PLEKHF1: variants seen among roughly 807,000 people sequenced by gnomAD.
PLEKHF1 encodes the protein pleckstrin homology domain-containing family F member 1.
In PLEKHF1, 1 loss-of-function variant was observed where a neutral mutation model predicts 4.1. That is an observed-to-expected ratio of 0.24 (90% CI 0.09 to 1.15). The LOEUF (loss-of-function observed/expected upper bound fraction) is 1.15. PLEKHF1 is among the 50% of genes most tolerant of loss of function. The pLI, the probability that PLEKHF1 is intolerant of heterozygous loss-of-function variation, is 0.52. For missense variants in PLEKHF1, 429 were observed against 400.6 expected (o/e 1.07, Z -0.60); for synonymous variants, 182 against 178.5 (o/e 1.02, Z -0.16).
Position 29,671,225 on chromosome 19 carries a change from G to A in PLEKHF1, c.-16-2599G>A, listed in dbSNP as rs541471321. Among the ~76,000 whole-genome samples, 37 of 151,754 alleles carry A rather than the reference G, an allele frequency of 2.4e-4. No homozygotes were observed. The highest frequency in any genetic ancestry group is 6.3e-4 in the African/African-American group (26 of 41,368). ...AGCGATTCTCCTGCCTCCGCCTCCC[G>A]AGTAGCTGGAATTACAGGTGTGAGG... On this transcript the variant is annotated intron_variant, in intron 1 of 1. Coordinates refer to ENST00000436066, the MANE Select transcript of PLEKHF1 (RefSeq NM_024310.5). This position sits in a 1 kb window ranked among gnomAD's most constrained non-coding sequence, Gnocchi z 4.0.
intron 1 of PLEKHF1, among the ~76,000 whole-genome samples, chr19:29,670,942 G>A (rs967116655): frequency 6.6e-6 from 1 of 152,154 alleles, no homozygotes; most frequent in Non-Finnish European, 1.5e-5. Flanking sequence ...CCAAAGTGCT[G>A]GGATTACAGG....
rs1000482462 is a variant in PLEKHF1 at position 29,673,949 on chromosome 19, T to G, written c.110T>G (p.Leu37Arg). The G allele has an allele frequency of 2.5e-6, 4 of 1,613,660 alleles. No homozygotes were observed. The highest frequency in any genetic ancestry group is 3.4e-6 in the Non-Finnish European group (4 of 1,179,932). ...QPLALPGRVLLGEGVLTKECR... is the reference protein window; with the variant it reads ...QPLALPGRVLRGEGVLTKECR... ...CTGGCGCTGCCAGGCCGAGTGCTGC[T>G]GGGCGAGGGCGTGCTGACCAAAGAG... The change falls in exon 2 of 2, where the codon CTG (leucine) becomes CGG (arginine). Residue 37 changes from leucine (L) to arginine (R), a missense_variant. Physicochemically the swap from Leu to Arg is moderately radical, Grantham distance 102. Transcript: ENST00000436066.
rs1330464039 is a variant in PLEKHF1 at position 29,674,616 on chromosome 19, C to T, written c.777C>T (p.Gly259=). The T allele has an allele frequency of 2.5e-6, 4 of 1,609,008 alleles. No individual in the cohort carries two copies. Among genetic ancestry groups the T allele is most frequent in the East Asian group, 2.2e-5 (1 of 44,672 alleles). The change falls in exon 2 of 2, where the codon GGC becomes GGT. Residue 259 remains glycine (G), a synonymous_variant. Transcript: ENST00000436066. ...AGGACAAGGAGGGCAGCAGGGACGG[C>T]GACTGGCCCAGCAGCGTGGAGTTCT... The part of the protein sequence containing the change: ...SDEDKEGSRD[G]DWPSSVEFYA...
chr19:29,674,348 C>G lies in PLEKHF1; in HGVS notation c.509C>G (p.Thr170Arg). The change falls in exon 2 of 2, where the codon ACG (threonine) becomes AGG (arginine). Residue 170 changes from threonine (T) to arginine (R), a missense_variant. Thr to Arg is a moderately conservative substitution (Grantham distance 71). Transcript: ENST00000436066. ...ACGCAGACGCGCTTCTCTGCCCTCA[C>G]GAGGCGCCACCACTGCCGCAAGTGC... is the stretch of plus-strand genomic sequence containing the variant. Reference protein sequence around the residue: ...RCTQTRFSALTRRHHCRKCGF... With the variant: ...RCTQTRFSALRRRHHCRKCGF... 1 of 1,551,324 alleles carries G rather than the reference C, an allele frequency of 6.4e-7. No homozygotes were observed. Among genetic ancestry groups the G allele is most frequent in the Non-Finnish European group, 8.7e-7 (1 of 1,154,606 alleles).
At position 29,674,752 on chromosome 19, in the gene PLEKHF1, C is replaced by T. The variant is rs1971685406; in HGVS notation, c.*73C>T. Reference sequence around the variant, plus strand: ...GCCCCCAAGAGGGCAGCTCCAGAAGCTGCCCAGGGCTCCGGGACCCCATCC... The same window carrying T: ...GCCCCCAAGAGGGCAGCTCCAGAAGTTGCCCAGGGCTCCGGGACCCCATCC... On this transcript the variant is annotated 3_prime_UTR_variant, in exon 2 of 2. Coordinates refer to ENST00000436066, the MANE Select transcript of PLEKHF1 (RefSeq NM_024310.5). 2.7e-6 allele frequency: 4 copies of T among 1,493,102 alleles called. No individual in the cohort carries two copies. Among genetic ancestry groups the T allele is most frequent in the Non-Finnish European group, 3.6e-6 (4 of 1,122,804 alleles). The allele number at this position is 1,493,102 out of a possible 1,614,324, so 92.5% of individuals were successfully genotyped here.
chr19:29,665,943 T>G, intron 1 of PLEKHF1: 1 of 453,134 alleles, frequency 2.2e-6, no homozygotes, highest in Non-Finnish European at 2.9e-6. Context: ...GGGACCACTG[T>G]CCCCCTGGGC....
rs1971671550 is a variant in PLEKHF1 at position 29,674,274 on chromosome 19, C to T, written c.435C>T (p.His145=). 1.2e-6 allele frequency: 2 copies of T among 1,601,266 alleles called. No individual in the cohort carries two copies. Among genetic ancestry groups the T allele is most frequent in the Admixed American group, 1.7e-5 (1 of 59,476 alleles). The change falls in exon 2 of 2, where the codon CAC becomes CAT. Residue 145 remains histidine (H), a synonymous_variant. Transcript: ENST00000436066. ...CGGGCCGCCCGCCCAGCACGGAGCA[C>T]GCGGCACCCTGGATCCCCGACAAGG... ...RATGRPPSTE[H]AAPWIPDKAT... is the part of the protein sequence containing the mutation.
At chr19:29,672,940 G>GTTAGTGC (rs2145589638) in intron 1 of PLEKHF1, among the ~76,000 whole-genome samples, 1 of 152,238 alleles carries the variant, frequency 6.6e-6, no homozygotes, top group Non-Finnish European at 1.5e-5. Flanking sequence ...TGAGCTCTGA[G>GTTAGTGC]TTAGTGCTTA....
At chr19:29,668,804 A>G (rs1187869367) in intron 1 of PLEKHF1, among the ~76,000 whole-genome samples, 1 of 152,172 alleles carries the variant, frequency 6.6e-6, no homozygotes, top group Non-Finnish European at 1.5e-5. Context: ...ACCTACAGGC[A>G]AGGTCAAACC....
At chr19:29,672,074 A>G (rs766219192) in intron 1 of PLEKHF1, among the ~76,000 whole-genome samples, 3 of 152,074 alleles carry the variant, frequency 2.0e-5, no homozygotes, top group Non-Finnish European at 2.9e-5. Context: ...TCCTGTTCTC[A>G]TGGAGCTAAG....
rs61755459 is a variant in PLEKHF1 at position 29,674,234 on chromosome 19, G to T, written c.395G>T (p.Arg132Leu). Residue 132 changes from arginine (R) to leucine (L), a missense_variant, in exon 2 of 2, where the codon CGG becomes CTG. By Grantham distance (102) the Arg-to-Leu change is moderately radical. Transcript: ENST00000436066. ...AGCCACATCGAGGAGTGCGTGCGGC[G>T]GCAACTGAGGGCCACGGGCCGCCCG... Reference protein sequence around the residue: ...WISHIEECVRRQLRATGRPPS... With the variant: ...WISHIEECVRLQLRATGRPPS... 6.2e-7 allele frequency: 1 copy of T among 1,610,716 alleles called. No homozygotes were observed. The highest frequency in any genetic ancestry group is 8.5e-7 in the Non-Finnish European group (1 of 1,179,590).
At chr19:29,665,612 G>C in intron 1 of PLEKHF1, 107 bp downstream of exon 1, 13 of 1,189,554 alleles carry the variant, frequency 1.1e-5, no homozygotes, top group Non-Finnish European at 1.4e-5. Flanking sequence ...CCCGCCGCGC[G>C]GTCTTGGCGG....
At position 29,674,553 on chromosome 19, in the gene PLEKHF1, C is replaced by G. The variant is rs775923779; in HGVS notation, c.714C>G (p.Ile238Met). 17 of 1,592,838 alleles carry G rather than the reference C, an allele frequency of 1.1e-5. No homozygotes were observed. Among genetic ancestry groups the G allele is most frequent in the Non-Finnish European group, 1.5e-5 (17 of 1,170,918 alleles). ...AGCCAGCCCACCTGGCCCGGCCCATCTGCGGAGCGTCCAGTGGAGATGACG... is the reference window on the plus strand; with the variant it reads ...AGCCAGCCCACCTGGCCCGGCCCATGTGCGGAGCGTCCAGTGGAGATGACG... ...PGQPAHLARPICGASSGDDDD... is the reference protein window; with the variant it reads ...PGQPAHLARPMCGASSGDDDD... The change falls in exon 2 of 2, where the codon ATC becomes ATG. Residue 238 changes from isoleucine (I) to methionine (M), a missense_variant. Ile to Met is a conservative substitution (Grantham distance 10). Coordinates refer to ENST00000436066, the MANE Select transcript of PLEKHF1 (RefSeq NM_024310.5).
chr19:29,673,979 G>C lies in PLEKHF1; in HGVS notation c.140G>C (p.Arg47Pro), dbSNP rs772168844. ...GAGGGCGTGCTGACCAAAGAGTGCC[G>C]CAAGAAGGCCAAGCCGCGCATCTTC... ...LGEGVLTKEC[R>P]KKAKPRIFFL... Residue 47 changes from arginine to proline, a missense_variant, in exon 2 of 2, where the codon CGC becomes CCC. By Grantham distance (103) the Arg-to-Pro change is moderately radical. Transcript: ENST00000436066. 6.2e-7 allele frequency: 1 copy of C among 1,613,876 alleles called. No individual in the cohort carries two copies. Among genetic ancestry groups the C allele is most frequent in the Non-Finnish European group, 8.5e-7 (1 of 1,179,996 alleles).
chr19:29,673,489 T>A (rs1971653727), intron 1 of PLEKHF1, among the ~76,000 whole-genome samples: 1 of 151,906 alleles, frequency 6.6e-6, no homozygotes, highest in African/African-American at 2.4e-5. Flanking sequence ...GGCTCGAGCC[T>A]CCTCTTGCCT....
chr19:29,674,898 A>C lies in PLEKHF1; in HGVS notation c.*219A>C. On this transcript the variant is annotated 3_prime_UTR_variant, in exon 2 of 2. Transcript: ENST00000436066. ...GCCTTTCCCTTCAGGAAGCCCCAGA[A>C]CACCCACAGGTCTTGGTAACAAACG... The C allele has an allele frequency of 1.5e-6, 1 of 661,156 alleles. No homozygotes were observed. Among genetic ancestry groups the C allele is most frequent in the Non-Finnish European group, 2.5e-6 (1 of 406,638 alleles). 41.0% of individuals were successfully genotyped at this position (661,156 alleles called of 1,614,324 possible).
In PLEKHF1 at chr19:29,674,749, A is replaced by G; in HGVS notation, c.*70A>G. On this transcript the variant is annotated 3_prime_UTR_variant, in exon 2 of 2. Coordinates refer to ENST00000436066, the MANE Select transcript of PLEKHF1 (RefSeq NM_024310.5). Reference sequence around the variant, plus strand: ...CAGGCCCCCAAGAGGGCAGCTCCAGAAGCTGCCCAGGGCTCCGGGACCCCA... The same window carrying G: ...CAGGCCCCCAAGAGGGCAGCTCCAGGAGCTGCCCAGGGCTCCGGGACCCCA... 6.7e-7 allele frequency: 1 copy of G among 1,500,980 alleles called. No individual in the cohort carries two copies. 93.0% of individuals were successfully genotyped at this position (1,500,980 alleles called of 1,614,324 possible).
At position 29,671,862 on chromosome 19, in the gene PLEKHF1, G is replaced by A. The variant is rs1485108723; in HGVS notation, c.-16-1962G>A. 2.0e-5 allele frequency among the ~76,000 whole-genome samples: 3 copies of A among 152,128 alleles called. No individual in the cohort carries two copies. Among genetic ancestry groups the A allele is most frequent in the Non-Finnish European group, 2.9e-5 (2 of 68,020 alleles). On this transcript the variant is annotated intron_variant, in intron 1 of 1. Coordinates refer to ENST00000436066, the MANE Select transcript of PLEKHF1 (RefSeq NM_024310.5). This position sits in a 1 kb window ranked among gnomAD's most constrained non-coding sequence, Gnocchi z 4.0. Reference sequence around the variant, plus strand: ...TATGGGTGTGATCAGCTCAGCCCCAGGCGTGCCGTGTGTACCGGAATGCAT... The same window carrying A: ...TATGGGTGTGATCAGCTCAGCCCCAAGCGTGCCGTGTGTACCGGAATGCAT...
At chr19:29,672,715 A>G (rs1004609206) in intron 1 of PLEKHF1, among the ~76,000 whole-genome samples, 1 of 152,090 alleles carries the variant, frequency 6.6e-6, no homozygotes, top group Admixed American at 6.6e-5. Flanking sequence ...AAGGAGAGGA[A>G]GAGGTGCAGG....
Sources: gnomAD v4.1 joint callset for allele counts (sites outside exome capture counted in the v4.1 genomes callset) on GRCh38, gnomAD v4.1.1 for gene constraint, Gnocchi (gnomAD v3.1) non-coding constraint, MANE v1.5 for transcripts, NCBI Gene and HGNC (gene_info 2026-07-23, HGNC 2026-07-21) for gene names.